The following PREX1 variants were observed in gnomAD, a reference collection of about 807,000 sequenced individuals.
The protein encoded by PREX1 is phosphatidylinositol 3,4,5-trisphosphate-dependent Rac exchanger 1 protein.
In PREX1, 41 loss-of-function variants were observed where a neutral mutation model predicts 198.3. The ratio of observed to expected loss-of-function variants is 0.21; its 90% CI spans 0.16 to 0.27. The LOEUF (loss-of-function observed/expected upper bound fraction) is 0.27, where lower values mean the gene tolerates loss of function less well. Ranked by LOEUF, PREX1 falls within the 10% of genes least tolerant of loss-of-function variation. PREX1 has a pLI of 1.00. For synonymous variants in PREX1, 843 were observed against 887.2 expected (o/e 0.95, Z 0.89); for missense variants, 1,620 against 2,200.7 (o/e 0.74, Z 5.28).
chr20:48,698,156 T>G (rs2089856317), intron 7 of PREX1, among the ~76,000 whole-genome samples: 1 of 152,046 alleles, frequency 6.6e-6, no homozygotes, highest in African/African-American at 2.4e-5. Flanking sequence ...CCAGCTCACT[T>G]GTGGAAGTGA....
chr20:48,678,514 G>A (rs990377648), intron 13 of PREX1, among the ~76,000 whole-genome samples: 1 of 152,042 alleles, frequency 6.6e-6, no homozygotes, highest in Admixed American at 6.6e-5. Context: ...AAAGGGAGCT[G>A]ATATCGTTGG....
intron 14 of PREX1, among the ~76,000 whole-genome samples, chr20:48,668,833 G>C (rs1029436270): frequency 5.9e-5 from 9 of 152,216 alleles, no homozygotes; most frequent in African/African-American, 1.9e-4. Context: ...GGCCGGCAGT[G>C]GGGAGGCCAG....
the PREX1 span, among the ~76,000 whole-genome samples, chr20:48,833,085 T>C: frequency 6.6e-6 from 1 of 152,356 alleles, no homozygotes; most frequent in African/African-American, 2.4e-5. Context: ...AATATCCATA[T>C]CTGTAAAATG....
At chr20:48,680,899 G>A (rs377015971) in intron 11 of PREX1, among the ~76,000 whole-genome samples, 10 of 152,046 alleles carry the variant, frequency 6.6e-5, no homozygotes, top group South Asian at 4.1e-4. Flanking sequence ...TCCTCCTCCC[G>A]TTCATTGTGG....
chr20:48,862,790 A>AAAAAAAAATATATAT, the PREX1 span, among the ~76,000 whole-genome samples: 2 of 102,578 alleles, frequency 1.9e-5, no homozygotes, highest in Admixed American at 1.0e-4. Context: ...TAAAAAAAAA[A>AAAAAAAAATATATAT]ATATATATAT....
chr20:48,697,069 G>C (rs1568828805), intron 7 of PREX1, among the ~76,000 whole-genome samples: 1 of 152,042 alleles, frequency 6.6e-6, no homozygotes, highest in East Asian at 1.9e-4. Flanking sequence ...TGGTAATGAG[G>C]AAGATCCAAG....
At position 48,644,611 on chromosome 20, in the gene PREX1, C is replaced by T. The variant is rs1412487016; in HGVS notation, c.3513-114G>A. 2.4e-5 allele frequency: 22 copies of T among 923,772 alleles called. No individual in the cohort carries two copies. The Admixed American group carries it at 4.5e-4, about 19-fold the overall frequency. The allele number at this position is 923,772 out of a possible 1,614,324, so 57.2% of individuals were successfully genotyped here. A position where few individuals can be genotyped will look rare whatever the true frequency, so the allele number is the denominator to read the frequency against. On this transcript the variant is annotated intron_variant, in intron 26 of 39. Transcript: ENST00000371941. ...CAAAACCCCTGGGCCCTCAGGTGGG[C>T]GTGCAGCCCAGAGAGGGCACCGAGC...
rs1313844095 is a variant in PREX1 at position 48,779,443 on chromosome 20, G to T, written c.220-31563C>A. ...GGAAAACTTCCCACAAAGTTTTTTG[G>T]CAGCTTCCCATAAAGTCAAATATCT... On this transcript the variant is annotated intron_variant, in intron 1 of 39. Coordinates refer to ENST00000371941, the MANE Select transcript of PREX1 (RefSeq NM_020820.4). 2.0e-5 allele frequency among the ~76,000 whole-genome samples: 3 copies of T among 152,134 alleles called. No homozygotes were observed. The East Asian group carries it at 5.8e-4, about 29-fold the overall frequency.
chr20:48,678,520 G>A (rs1328053404), intron 13 of PREX1, among the ~76,000 whole-genome samples: 5 of 151,954 alleles, frequency 3.3e-5, no homozygotes, highest in Non-Finnish European at 7.4e-5. Flanking sequence ...AGCTGATATC[G>A]TTGGGTTGTG....
chr20:48,803,180 G>A (rs2123016987), intron 1 of PREX1, among the ~76,000 whole-genome samples: 1 of 152,262 alleles, frequency 6.6e-6, no homozygotes, highest in Admixed American at 6.5e-5. Flanking sequence ...GGGCATCCCT[G>A]GGAACCAAAA....
chr20:48,655,142 G>T, intron 19 of PREX1, 148 bp downstream of exon 19: 1 of 844,516 alleles, frequency 1.2e-6, no homozygotes, highest in Non-Finnish European at 1.8e-6. Context: ...ATTTGTGTTT[G>T]CAAGTCTTGG....
At chr20:48,637,644 G>C in intron 31 of PREX1, 67 bp downstream of exon 31, 2 of 1,453,166 alleles carry the variant, frequency 1.4e-6, no homozygotes, top group Non-Finnish European at 1.9e-6. Flanking sequence ...CCGAGGGCAT[G>C]GATGGTCGGC....
At chr20:48,653,327 CTTCT>C (rs1202590481) in intron 20 of PREX1, 30 bp downstream of exon 20, 10 of 1,604,188 alleles carry the variant, frequency 6.2e-6, no homozygotes, top group Non-Finnish European at 8.5e-6. Context: ...CTCAGCAGGA[CTTCT>C]TTGACGGCCC....
At chr20:48,771,756 G>A (rs1319347534) in intron 1 of PREX1, among the ~76,000 whole-genome samples, 2 of 152,226 alleles carry the variant, frequency 1.3e-5, no homozygotes, top group Non-Finnish European at 2.9e-5. Flanking sequence ...GCCGGACACG[G>A]TTCCAAGTGC....
rs1454725177 is a variant in PREX1, at chr20:48,691,131, C to A, written c.1037-35G>T. The A allele has an allele frequency of 5.6e-6, 9 of 1,613,710 alleles. No individual in the cohort carries two copies. Among genetic ancestry groups the A allele is most frequent in the Non-Finnish European group, 7.6e-6 (9 of 1,179,802 alleles). ...GCAGGAGGCAAAGGTGCAGCAGAGACTCAGCCGCGTGACCTTCAACACTCC... is the reference window on the plus strand; with the variant it reads ...GCAGGAGGCAAAGGTGCAGCAGAGAATCAGCCGCGTGACCTTCAACACTCC... On this transcript the variant is annotated intron_variant, in intron 8 of 39. Coordinates refer to ENST00000371941, the MANE Select transcript of PREX1 (RefSeq NM_020820.4). This position sits in a 1 kb window ranked among gnomAD's most constrained non-coding sequence, Gnocchi z 5.0.
At chr20:48,709,832 G>C (rs1390335241) in intron 5 of PREX1, among the ~76,000 whole-genome samples, 1 of 152,138 alleles carries the variant, frequency 6.6e-6, no homozygotes, top group Non-Finnish European at 1.5e-5. Context: ...GCCACAAAAG[G>C]GTATTGTTCT....
chr20:48,642,834 C>T (rs1001424951), intron 27 of PREX1: 4 of 212,390 alleles, frequency 1.9e-5, no homozygotes, highest in African/African-American at 4.6e-5. Flanking sequence ...TCAGCTGTCA[C>T]ACCCAACTCC....
At chr20:48,687,906 G>A (rs1391329271) in intron 10 of PREX1, among the ~76,000 whole-genome samples, 1 of 152,162 alleles carries the variant, frequency 6.6e-6, no homozygotes, top group East Asian at 1.9e-4. Flanking sequence ...GAGGCTCTGG[G>A]CACTGAGAAG....
chr20:48,729,549 AC>A (rs890367889), intron 4 of PREX1, among the ~76,000 whole-genome samples: 5 of 151,496 alleles, frequency 3.3e-5, no homozygotes, highest in African/African-American at 1.2e-4. Flanking sequence ...TCCCTCTCCT[AC>A]CCTAGCCTGC....
Sources: allele counts gnomAD v4.1 joint callset (sites outside exome capture counted in the v4.1 genomes callset), GRCh38; gene constraint gnomAD v4.1.1; non-coding constraint Gnocchi (gnomAD v3.1); transcripts MANE v1.5; gene names NCBI Gene and HGNC (gene_info 2026-07-23, HGNC 2026-07-21).